SLC7A11: variants seen among roughly 807,000 people sequenced by gnomAD.
SLC7A11 encodes solute carrier family 7 member 11.
SLC7A11 carries 35 observed loss-of-function variants against 54.5 expected under a neutral mutation model. The ratio of observed to expected loss-of-function variants is 0.64; its 90% CI spans 0.49 to 0.85. The LOEUF is 0.85. Ranked by LOEUF, SLC7A11 falls within the 40% of genes least tolerant of loss-of-function variation. SLC7A11 has a pLI of 0.00. For missense variants in SLC7A11, 583 were observed against 618.1 expected (o/e 0.94, Z 0.60); for synonymous variants, 230 against 225.2 (o/e 1.02, Z -0.19).
At chr4:138,182,183 C>CA in intron 9 of SLC7A11, 114 bp downstream of exon 9, 1 of 641,082 alleles carries the variant, frequency 1.6e-6, no homozygotes, top group Non-Finnish European at 2.8e-6. Flanking sequence ...TCCACCATGA[C>CA]ATACATTAGC....
rs989892935 is a variant in SLC7A11, at chr4:138,170,331, T to C, written c.*1625A>G. On this transcript the variant is annotated 3_prime_UTR_variant, in exon 12 of 12. Coordinates refer to ENST00000280612, the MANE Select transcript of SLC7A11 (RefSeq NM_014331.4). The stretch of plus-strand genomic sequence containing the variant: ...ATATATATATATATAATCTTTTTTT[T>C]TTGGAGATGGAGTCTGACTTTGTCA... 2 of 146,044 alleles carry C rather than the reference T, an allele frequency of 1.4e-5. No homozygotes were observed. The highest frequency in any genetic ancestry group is 3.0e-5 in the Non-Finnish European group (2 of 66,778). 9.0% of individuals were successfully genotyped at this position (146,044 alleles called of 1,614,324 possible).
intron 6 of SLC7A11, among the ~76,000 whole-genome samples, chr4:138,198,099 T>A (rs537066567): frequency 6.7e-6 from 1 of 150,000 alleles, no homozygotes; most frequent in African/African-American, 2.4e-5. Context: ...AAAAAAAAAA[T>A]CCATTCCAGA....
chr4:138,196,460 T>C (rs1386453073), intron 6 of SLC7A11, among the ~76,000 whole-genome samples: 1 of 151,998 alleles, frequency 6.6e-6, no homozygotes, highest in Non-Finnish European at 1.5e-5. Context: ...CAACAGCCAG[T>C]TCACATTCCT....
rs564365824 is a variant in SLC7A11 at position 138,214,553 on chromosome 4, A to C, written c.791+32T>G. 32 of 1,321,848 alleles carry C rather than the reference A, an allele frequency of 2.4e-5. No individual in the cohort carries two copies. The South Asian group carries it at 4.5e-4, about 19-fold the overall frequency. The allele number at this position is 1,321,848 out of a possible 1,614,324, so 81.9% of individuals were successfully genotyped here. A position where few individuals can be genotyped will look rare whatever the true frequency, so the allele number is the denominator to read the frequency against. On this transcript the variant is annotated intron_variant, in intron 6 of 11. Coordinates refer to ENST00000280612, the MANE Select transcript of SLC7A11 (RefSeq NM_014331.4). ...TATGTAATCTTAAATTTTATTCTTC[A>C]TAAAAATTTCAGGGTACATCTGGCT... is the stretch of plus-strand genomic sequence containing the variant.
At chr4:138,182,796 T>A (rs181243607) in intron 8 of SLC7A11, among the ~76,000 whole-genome samples, 2 of 152,208 alleles carry the variant, frequency 1.3e-5, no homozygotes, top group East Asian at 3.9e-4. Flanking sequence ...GATTGGCTTT[T>A]AATCGTATAT....
intron 5 of SLC7A11, among the ~76,000 whole-genome samples, chr4:138,218,220 A>T (rs1196110703): frequency 6.6e-6 from 1 of 152,220 alleles, no homozygotes; most frequent in Non-Finnish European, 1.5e-5. Context: ...AACTAAAAAA[A>T]CAAAAGGAAT....
At chr4:138,215,612 G>T (rs545614483) in intron 5 of SLC7A11, among the ~76,000 whole-genome samples, 2 of 152,170 alleles carry the variant, frequency 1.3e-5, no homozygotes, top group Admixed American at 6.5e-5. Flanking sequence ...CTAATGACTA[G>T]AAAATAAGTT....
intron 1 of SLC7A11, among the ~76,000 whole-genome samples, chr4:138,237,308 G>T (rs1052678017): frequency 6.6e-6 from 1 of 151,494 alleles, no homozygotes; most frequent in Non-Finnish European, 1.5e-5. Flanking sequence ...TAATTTGTAG[G>T]ATATATTTTG....
intron 1 of SLC7A11, among the ~76,000 whole-genome samples, chr4:138,239,309 G>T (rs760003188): frequency 1.6e-4 from 24 of 151,990 alleles, no homozygotes; most frequent in Non-Finnish European, 3.4e-4. Context: ...TCATTTAAAG[G>T]TCTCAAGCTT....
intron 5 of SLC7A11, among the ~76,000 whole-genome samples, chr4:138,216,903 A>G (rs1737694527): frequency 6.6e-6 from 1 of 152,206 alleles, no homozygotes; most frequent in Non-Finnish European, 1.5e-5. Flanking sequence ...CAGTCTTGTA[A>G]TTATATCTTG....
In SLC7A11 at chr4:138,179,217, C is replaced by G. The variant is rs1736656647; in HGVS notation, c.1444G>C (p.Glu482Gln). 1 of 1,591,132 alleles carries G rather than the reference C, an allele frequency of 6.3e-7. No homozygotes were observed. The highest frequency in any genetic ancestry group is 8.6e-7 in the Non-Finnish European group (1 of 1,160,174). Residue 482 changes from glutamate (E) to glutamine (Q), a missense_variant and splice_region_variant, in exon 11 of 12, where the codon GAG becomes CAG. Coordinates refer to ENST00000280612, the MANE Select transcript of SLC7A11 (RefSeq NM_014331.4). ...TCCTGAAAGTATTTAAAATTCTTAC[C>G]CGACATTATTCTAAACCACCTGGGT... ...KKPRWFRIMS[E>Q]KITRTLQIIL...
At position 138,169,872 on chromosome 4, in the gene SLC7A11, A is replaced by G. The variant is rs1474589207; in HGVS notation, c.*2084T>C. On this transcript the variant is annotated 3_prime_UTR_variant, in exon 12 of 12. Coordinates refer to ENST00000280612, the MANE Select transcript of SLC7A11 (RefSeq NM_014331.4). ...TATGCTAAGGAAGGAAGGAGTTATT[A>G]TAAATTCACTCAGAGACCCAAACGT... 2 of 152,116 alleles carry G rather than the reference A, an allele frequency of 1.3e-5. No individual in the cohort carries two copies. The highest frequency in any genetic ancestry group is 2.9e-5 in the Non-Finnish European group (2 of 68,006). 9.4% of individuals were successfully genotyped at this position (152,116 alleles called of 1,614,324 possible). A position where few individuals can be genotyped will look rare whatever the true frequency, so the allele number is the denominator to read the frequency against.
At chr4:138,217,426 G>T (rs1723100420) in intron 5 of SLC7A11, among the ~76,000 whole-genome samples, 1 of 152,048 alleles carries the variant, frequency 6.6e-6, no homozygotes, top group Non-Finnish European at 1.5e-5. Flanking sequence ...TTAAATATTA[G>T]TACAATAATT....
intron 11 of SLC7A11, among the ~76,000 whole-genome samples, chr4:138,173,031 CG>C (rs1242506573): frequency 6.6e-6 from 1 of 151,810 alleles, no homozygotes; most frequent in Non-Finnish European, 1.5e-5. Flanking sequence ...TTAGTAGAGA[CG>C]GGGTTCCACC....
intron 1 of SLC7A11, among the ~76,000 whole-genome samples, chr4:138,238,159 A>G (rs1560743113): frequency 6.6e-6 from 1 of 152,132 alleles, no homozygotes; most frequent in African/African-American, 2.4e-5. Context: ...TTCACATAAA[A>G]TTGGACAAAT....
intron 5 of SLC7A11, 94 bp from the exon 6 acceptor site, chr4:138,214,723 T>C (rs547852952): frequency 1.5e-5 from 6 of 411,906 alleles, no homozygotes; most frequent in East Asian, 4.6e-5. Flanking sequence ...CCCAGAATTA[T>C]GAAAACTATA....
chr4:138,188,891 T>C (rs1560721899), intron 6 of SLC7A11, among the ~76,000 whole-genome samples: 1 of 152,344 alleles, frequency 6.6e-6, no homozygotes, highest in East Asian at 1.9e-4. Context: ...ATGTTTGTTA[T>C]GACTAACGAA....
chr4:138,171,002 A>C lies in SLC7A11; in HGVS notation c.*954T>G, dbSNP rs1736412233. On this transcript the variant is annotated 3_prime_UTR_variant, in exon 12 of 12. Transcript: ENST00000280612. ...TCAGAATTACTAACATTGCATGTAG[A>C]TATGATTACAGATATGGGACTATTA... 1 of 152,184 alleles carries C rather than the reference A, an allele frequency of 6.6e-6. No homozygotes were observed. Among genetic ancestry groups the C allele is most frequent in the Non-Finnish European group, 1.5e-5 (1 of 68,026 alleles). The allele number at this position is 152,184 out of a possible 1,614,324, so 9.4% of individuals were successfully genotyped here.
chr4:138,234,308 A>G (rs6836568), intron 2 of SLC7A11, among the ~76,000 whole-genome samples: 62,343 of 151,968 alleles, frequency 0.41, 13,744 homozygotes, highest in Middle Eastern at 0.61. Context: ...TATTTCTGGC[A>G]ATACTAACTT....
Sources: gnomAD v4.1 joint callset for allele counts (sites outside exome capture counted in the v4.1 genomes callset) on GRCh38, gnomAD v4.1.1 for gene constraint, MANE v1.5 for transcripts, NCBI Gene and HGNC (gene_info 2026-07-23, HGNC 2026-07-21) for gene names.